The following PTPRR variants were observed in gnomAD, a reference collection of about 807,000 sequenced individuals.
The protein encoded by PTPRR is receptor-type tyrosine-protein phosphatase R.
In PTPRR, 38 loss-of-function variants were observed where a neutral mutation model predicts 77.2. The observed-to-expected ratio is 0.49, with a 90% CI of 0.38 to 0.65. PTPRR has a LOEUF of 0.65. Ranked by LOEUF, PTPRR falls within the 30% of genes least tolerant of loss-of-function variation. PTPRR has a pLI of 0.00. For missense variants in PTPRR, 744 were observed against 799.2 expected (o/e 0.93, Z 0.83); for synonymous variants, 299 against 283.1 (o/e 1.06, Z -0.57).
chr12:70,919,418 A>C (rs1423553057), intron 1 of PTPRR, among the ~76,000 whole-genome samples: 1 of 152,182 alleles, frequency 6.6e-6, no homozygotes, highest in Non-Finnish European at 1.5e-5. Context: ...GTGTGTGACA[A>C]TGATAAGGAA....
intron 2 of PTPRR, among the ~76,000 whole-genome samples, chr12:70,855,115 T>C (rs1156442357): frequency 6.6e-6 from 1 of 152,184 alleles, no homozygotes; most frequent in Non-Finnish European, 1.5e-5. Flanking sequence ...CTGAATTTAG[T>C]CTGGTGCAGA....
At chr12:70,674,516 TAA>T (rs1887370103) in intron 10 of PTPRR, among the ~76,000 whole-genome samples, 2 of 152,162 alleles carry the variant, frequency 1.3e-5, no homozygotes, top group African/African-American at 4.8e-5. Context: ...GTGTGTGTGT[TAA>T]AACTTTTTTT....
chr12:70,639,311 G>A, intron 13 of PTPRR, 34 bp from the exon 14 acceptor site: 1 of 1,599,470 alleles, frequency 6.3e-7, no homozygotes. Context: ...AACTGATTTT[G>A]CTAAAATCTT....
chr12:70,682,734 T>C (rs1401003985), intron 10 of PTPRR, among the ~76,000 whole-genome samples: 1 of 152,180 alleles, frequency 6.6e-6, no homozygotes, highest in Non-Finnish European at 1.5e-5. Context: ...ATTAAACAAC[T>C]GTGAAGGAAT....
At chr12:70,700,820 A>C (rs919583038) in intron 7 of PTPRR, among the ~76,000 whole-genome samples, 1 of 152,188 alleles carries the variant, frequency 6.6e-6, no homozygotes, top group African/African-American at 2.4e-5. Flanking sequence ...TCAATGTTCC[A>C]GTTAAACTGA....
chr12:70,734,101 G>T (rs1253691924), intron 6 of PTPRR, among the ~76,000 whole-genome samples: 1 of 152,126 alleles, frequency 6.6e-6, no homozygotes, highest in East Asian at 1.9e-4. Context: ...CTTATGCTGG[G>T]AATTATCTGT....
chr12:70,792,799 T>C (rs762906297), intron 2 of PTPRR, among the ~76,000 whole-genome samples: 3 of 152,180 alleles, frequency 2.0e-5, no homozygotes, highest in Non-Finnish European at 4.4e-5. Flanking sequence ...TGTTGTAACA[T>C]GTCTGAACAG....
chr12:70,869,750 G>A (rs1034024412), intron 2 of PTPRR, among the ~76,000 whole-genome samples: 1 of 152,086 alleles, frequency 6.6e-6, no homozygotes, highest in African/African-American at 2.4e-5. Context: ...CAAGGAATGA[G>A]GTGGTCTATA....
chr12:70,658,889 T>TG (rs1886685413), intron 12 of PTPRR, among the ~76,000 whole-genome samples: 2 of 121,198 alleles, frequency 1.7e-5, no homozygotes, highest in Non-Finnish European at 3.4e-5. Flanking sequence ...TCTAGTTTTT[T>TG]TTTTTTTTTT....
chr12:70,907,949 T>C (rs1171506203), intron 1 of PTPRR, among the ~76,000 whole-genome samples: 1 of 151,834 alleles, frequency 6.6e-6, no homozygotes, highest in African/African-American at 2.4e-5. Flanking sequence ...ATCACAGGAG[T>C]TCAGTTCTGT....
Position 70,754,205 on chromosome 12 carries a change from C to G in PTPRR, c.724G>C (p.Val242Leu), listed in dbSNP as rs779205280. Residue 242 changes from valine to leucine, a missense_variant, in exon 5 of 14, where the codon GTA becomes CTA. Around this residue, in one of 3 missense-constraint regions of PTPRR, gnomAD observed 570 missense variants for 573.2 expected, o/e 0.99. Coordinates refer to ENST00000283228, the MANE Select transcript of PTPRR (RefSeq NM_002849.4). Reference protein sequence around the residue: ...VIFLSIFVIIVTCLMILYRLK... With the variant: ...VIFLSIFVIILTCLMILYRLK... ...AGCAAACTTACCATCAAACACGTTACTATAATAACAAAGATGCTGAGAAAA... is the reference window on the plus strand; with the variant it reads ...AGCAAACTTACCATCAAACACGTTAGTATAATAACAAAGATGCTGAGAAAA... 6.2e-7 allele frequency: 1 copy of G among 1,613,176 alleles called. No individual in the cohort carries two copies. Among genetic ancestry groups the G allele is most frequent in the Non-Finnish European group, 8.5e-7 (1 of 1,179,658 alleles).
At chr12:70,799,770 C>A (rs1057167448) in intron 2 of PTPRR, among the ~76,000 whole-genome samples, 17 of 152,184 alleles carry the variant, frequency 1.1e-4, no homozygotes, top group Non-Finnish European at 2.4e-4. Context: ...CCAGTCCAAG[C>A]CCCGTTTTTT....
intron 8 of PTPRR, among the ~76,000 whole-genome samples, chr12:70,695,995 G>T (rs1359146636): frequency 6.6e-6 from 1 of 152,112 alleles, no homozygotes; most frequent in Non-Finnish European, 1.5e-5. Flanking sequence ...TGAATATAAA[G>T]AATTTGGTGT....
intron 2 of PTPRR, among the ~76,000 whole-genome samples, chr12:70,891,299 C>T (rs1035559530): frequency 4.6e-5 from 7 of 152,080 alleles, no homozygotes; most frequent in African/African-American, 1.4e-4. Context: ...AACTGTAATT[C>T]ACAGTGACTT....
chr12:70,669,100 T>C (rs1476503688), intron 10 of PTPRR, among the ~76,000 whole-genome samples: 2 of 152,208 alleles, frequency 1.3e-5, no homozygotes, highest in African/African-American at 4.8e-5. Context: ...ATACTCATAA[T>C]GTTAAAAGCA....
intron 13 of PTPRR, among the ~76,000 whole-genome samples, chr12:70,646,893 T>C (rs1201088380): frequency 6.6e-6 from 1 of 152,036 alleles, no homozygotes; most frequent in Non-Finnish European, 1.5e-5. Context: ...TGGGGACATA[T>C]ATTAGCCTTG....
At chr12:70,824,040 C>T (rs922901663) in intron 2 of PTPRR, among the ~76,000 whole-genome samples, 8 of 152,178 alleles carry the variant, frequency 5.3e-5, no homozygotes, top group African/African-American at 1.7e-4. Context: ...TCCTCAACAA[C>T]GGTTCACAGA....
intron 9 of PTPRR, among the ~76,000 whole-genome samples, chr12:70,684,482 T>C (rs1887787868): frequency 6.6e-6 from 1 of 151,932 alleles, no homozygotes. Context: ...CCCAGCAGAG[T>C]ACCCATATAG....
At chr12:70,751,583 A>T (rs562010212) in intron 5 of PTPRR, among the ~76,000 whole-genome samples, 39 of 152,242 alleles carry the variant, frequency 2.6e-4, no homozygotes, top group African/African-American at 9.1e-4. Flanking sequence ...CTTTACTCAC[A>T]TATTCACCCA....
Sources: gnomAD v4.1 joint callset for allele counts (sites outside exome capture counted in the v4.1 genomes callset) on GRCh38, gnomAD v4.1.1 for gene constraint, gnomAD v4.1.1 regional missense constraint, MANE v1.5 for transcripts, NCBI Gene and HGNC (gene_info 2026-07-23, HGNC 2026-07-21) for gene names.